Variants in OVGP1 observed in about 807,000 individuals in gnomAD.
OVGP1 encodes oviductal glycoprotein 1, also known as oviduct-specific glycoprotein.
OVGP1 carries 26 observed loss-of-function variants against 48.2 expected under a neutral mutation model. The observed-to-expected ratio is 0.54, with a 90% confidence interval of 0.40 to 0.75. OVGP1 has a LOEUF of 0.75. OVGP1 is among the 30% of genes least tolerant of loss of function. The pLI is 0.00. For missense variants in OVGP1, 791 were observed against 820.6 expected (o/e 0.96, Z 0.44); for synonymous variants, 294 against 305.7 (o/e 0.96, Z 0.40).
At chr1:111,425,296 T>G in intron 4 of OVGP1, 87 bp downstream of exon 4, 1 of 1,514,288 alleles carries the variant, frequency 6.6e-7, no homozygotes, top group East Asian at 2.3e-5. Context: ...GCTGTCCGCA[T>G]GGCCAAGCTG....
At position 111,416,472 on chromosome 1, in the gene OVGP1, A is replaced by C; in HGVS notation, c.1021-14T>G. The C allele has an allele frequency of 6.3e-7, 1 of 1,598,322 alleles. No homozygotes were observed. The highest frequency in any genetic ancestry group is 8.5e-7 in the Non-Finnish European group (1 of 1,171,532). On this transcript the variant is annotated splice_polypyrimidine_tract_variant and intron_variant, in intron 9 of 10. Coordinates refer to ENST00000369732, the MANE Select transcript of OVGP1 (RefSeq NM_002557.4). ...TATAAACCATGCCTGTAAAAGTAAC[A>C]GTCAGTCAACCTGCTGTACTTGTCA...
At chr1:111,423,289 A>ACTGCCTAAGGG (rs1652319054) in intron 5 of OVGP1, among the ~76,000 whole-genome samples, 1 of 152,204 alleles carries the variant, frequency 6.6e-6, no homozygotes, top group Non-Finnish European at 1.5e-5. Context: ...TCAGACAGAC[A>ACTGCCTAAGGG]CTGCCTAAGG....
chr1:111,416,286 A>G, intron 10 of OVGP1, 37 bp downstream of exon 10: 7 of 1,527,750 alleles, frequency 4.6e-6, no homozygotes, highest in Non-Finnish European at 6.2e-6. Flanking sequence ...TTGGTTATGC[A>G]ACTTCCAACC....
chr1:111,414,752 G>T lies in OVGP1; in HGVS notation c.1749C>A (p.Val583=). ...AAGGCATAGTCTGCCCTTCAGGGGT[G>T]ACTGATATGTTTCTGGAGGGGACAG... ...KVTVPSRNIS[V]TPEGQTMPLR... is the part of the protein sequence containing the mutation. Residue 583 remains valine (V), a synonymous_variant, in exon 11 of 11, where the codon GTC becomes GTA. Transcript: ENST00000369732. 6.2e-7 allele frequency: 1 copy of T among 1,611,224 alleles called. No individual in the cohort carries two copies. Among genetic ancestry groups the T allele is most frequent in the Non-Finnish European group, 8.5e-7 (1 of 1,177,690 alleles).
intron 1 of OVGP1, 73 bp downstream of exon 1, chr1:111,427,624 C>A: frequency 6.4e-7 from 1 of 1,553,354 alleles, no homozygotes; most frequent in Non-Finnish European, 8.9e-7. Context: ...TCTCAGGCAC[C>A]AGAGAGATGA....
chr1:111,426,416 C>T (rs748448452), intron 3 of OVGP1, 21 bp downstream of exon 3: 3 of 1,613,772 alleles, frequency 1.9e-6, no homozygotes, highest in South Asian at 2.2e-5. Flanking sequence ...AATACAACCC[C>T]CACATCCAAT....
chr1:111,421,698 AT>A lies in OVGP1; in HGVS notation c.609-26del, dbSNP rs547115005. On this transcript the variant is annotated intron_variant, in intron 6 of 10. Coordinates refer to ENST00000369732, the MANE Select transcript of OVGP1 (RefSeq NM_002557.4). ...TCTGTAAGGGGCAGGAGGAAGAGAT[AT>A]AAAGACTGGGCTAGCCAGATTTTCA... 7.1e-6 allele frequency: 10 copies of A among 1,415,900 alleles called. No individual in the cohort carries two copies. In the East Asian group the frequency reaches 2.1e-4, roughly 29 times the overall value. 87.7% of individuals were successfully genotyped at this position (1,415,900 alleles called of 1,614,324 possible).
At chr1:111,423,741 C>G in intron 4 of OVGP1, 33 bp from the exon 5 acceptor site, 1 of 1,601,466 alleles carries the variant, frequency 6.2e-7, no homozygotes, top group Non-Finnish European at 8.5e-7. Flanking sequence ...GCAAAGAACT[C>G]TATCCACAGA....
Position 111,423,043 on chromosome 1 carries a change from C to T in OVGP1, c.492G>A (p.Leu164=), listed in dbSNP as rs769659257. 5.0e-5 allele frequency: 80 copies of T among 1,613,914 alleles called. 1 individual carries two copies. The South Asian group carries it at 7.9e-4, about 16-fold the overall frequency. Residue 164 remains leucine, a synonymous_variant, in exon 6 of 11, where the codon CTG becomes CTA. Transcript: ENST00000369732. ...WTFLFLIEEL[L]FAFRKEALLT... ...GCAGTGCCTCCTTCCGGAAGGCAAA[C>T]AGGAGCTCCTAAGAGGAAAGACAGA...
chr1:111,422,909 AAAGCAATATC>A lies in OVGP1; in HGVS notation c.608+8_608+17del. The stretch of plus-strand genomic sequence containing the variant: ...CTTCCCACCAATGTCCTGCCCCACC[AAAGCAATATC>A]CACTCACCTTCCTAGAAAGCGCACA... On this transcript the variant is annotated splice_region_variant and intron_variant, in intron 6 of 10. Coordinates refer to ENST00000369732, the MANE Select transcript of OVGP1 (RefSeq NM_002557.4). 6.2e-7 allele frequency: 1 copy of A among 1,613,792 alleles called. No individual in the cohort carries two copies. The highest frequency in any genetic ancestry group is 8.5e-7 in the Non-Finnish European group (1 of 1,179,794).
rs755505955 is a variant in OVGP1 at position 111,423,013 on chromosome 1, G to A, written c.522C>T (p.Thr174=). 3.7e-6 allele frequency: 6 copies of A among 1,614,050 alleles called. No individual in the cohort carries two copies. The Admixed American group carries it at 5.0e-5, about 13-fold the overall frequency. The change falls in exon 6 of 11, where the codon ACC becomes ACT. Residue 174 remains threonine, a synonymous_variant. Transcript: ENST00000369732. The part of the protein sequence containing the change: ...LFAFRKEALL[T]MRPRLLLSAA... ...CAGACAGCAGCAGCCTCGGGCGCATGGTGAGCAGTGCCTCCTTCCGGAAGG... is the reference window on the plus strand; with the variant it reads ...CAGACAGCAGCAGCCTCGGGCGCATAGTGAGCAGTGCCTCCTTCCGGAAGG...
In OVGP1 at chr1:111,414,750, G is replaced by A; in HGVS notation, c.1751C>T (p.Thr584Ile). Reference protein sequence around the residue: ...VTVPSRNISVTPEGQTMPLRG... With the variant: ...VTVPSRNISVIPEGQTMPLRG... Reference sequence around the variant, plus strand: ...TAAAGGCATAGTCTGCCCTTCAGGGGTGACTGATATGTTTCTGGAGGGGAC... The same window carrying A: ...TAAAGGCATAGTCTGCCCTTCAGGGATGACTGATATGTTTCTGGAGGGGAC... Residue 584 changes from threonine (T) to isoleucine (I), a missense_variant, in exon 11 of 11, where the codon ACC becomes ATC. Thr to Ile is a moderately conservative substitution (Grantham distance 89). Transcript: ENST00000369732. 6.2e-7 allele frequency: 1 copy of A among 1,611,830 alleles called. No individual in the cohort carries two copies. The highest frequency in any genetic ancestry group is 8.5e-7 in the Non-Finnish European group (1 of 1,178,170).
chr1:111,424,893 T>G (rs977050327), intron 4 of OVGP1, among the ~76,000 whole-genome samples: 1 of 152,224 alleles, frequency 6.6e-6, no homozygotes, highest in African/African-American at 2.4e-5. Context: ...CTCATGGAGA[T>G]TGAAGTGCTA....
At chr1:111,419,093 G>A (rs1276771864) in intron 9 of OVGP1, among the ~76,000 whole-genome samples, 2 of 152,100 alleles carry the variant, frequency 1.3e-5, no homozygotes, top group African/African-American at 4.8e-5. Flanking sequence ...CAGCATTCAA[G>A]TCCCTTTATA....
intron 1 of OVGP1, 123 bp downstream of exon 1, chr1:111,427,574 T>C (rs549001929): frequency 8.0e-7 from 1 of 1,246,618 alleles, no homozygotes; most frequent in East Asian, 2.4e-5. Context: ...GCCCATCCCA[T>C]CTCTACCTAA....
chr1:111,417,942 C>T lies in OVGP1; in HGVS notation c.1021-1484G>A, dbSNP rs190516070. On this transcript the variant is annotated intron_variant, in intron 9 of 10. Coordinates refer to ENST00000369732, the MANE Select transcript of OVGP1 (RefSeq NM_002557.4). ...GAGAGAACCTGGAATGTAAACAAGTCCTCCCTGGGAAGGGGACTTTCACAA... is the reference window on the plus strand; with the variant it reads ...GAGAGAACCTGGAATGTAAACAAGTTCTCCCTGGGAAGGGGACTTTCACAA... Among the ~76,000 whole-genome samples, 290 of 152,274 alleles carry T rather than the reference C, an allele frequency of 1.9e-3. 3 individuals are homozygous for T. The highest frequency in any genetic ancestry group is 6.8e-3 in the African/African-American group (282 of 41,542).
At chr1:111,420,741 G>A (rs1284635560) in intron 8 of OVGP1, among the ~76,000 whole-genome samples, 2 of 152,180 alleles carry the variant, frequency 1.3e-5, no homozygotes, top group African/African-American at 4.8e-5. Flanking sequence ...AGACGAAGAT[G>A]AAGAGGGTAG....
At chr1:111,415,648 C>T (rs1409933225) in intron 10 of OVGP1, among the ~76,000 whole-genome samples, 3 of 152,142 alleles carry the variant, frequency 2.0e-5, no homozygotes, top group Non-Finnish European at 2.9e-5. Flanking sequence ...CTCACTTTGA[C>T]ATCTCTGATT....
intron 7 of OVGP1, 41 bp from the exon 8 acceptor site, chr1:111,421,502 A>G: frequency 6.2e-7 from 1 of 1,609,378 alleles, no homozygotes; most frequent in South Asian, 1.1e-5. Context: ...TGTTACTAAG[A>G]GCCAATGGCC....
Sources: gnomAD v4.1 joint callset for allele counts (sites outside exome capture counted in the v4.1 genomes callset) on GRCh38, gnomAD v4.1.1 for gene constraint, MANE v1.5 for transcripts, NCBI Gene and HGNC (gene_info 2026-07-23, HGNC 2026-07-21) for gene names.